The following NOL4L variants were observed in gnomAD, a reference collection of about 807,000 sequenced individuals.
NOL4L encodes nucleolar protein 4-like.
NOL4L carries 7 observed loss-of-function variants against 64.5 expected under a neutral mutation model. The ratio of observed to expected loss-of-function variants is 0.11; its 90% CI spans 0.06 to 0.20. The LOEUF (loss-of-function observed/expected upper bound fraction) is 0.20. Among genes scored for constraint, NOL4L ranks in the 10% least tolerant of loss-of-function variants. The pLI, the probability that NOL4L is intolerant of heterozygous loss-of-function variation, is 1.00. For missense variants in NOL4L, 680 were observed against 967.1 expected (o/e 0.70, Z 3.94); for synonymous variants, 413 against 401.0 (o/e 1.03, Z -0.36).
chr20:32,545,400 T>A (rs887972746), intron 1 of NOL4L, among the ~76,000 whole-genome samples: 1 of 152,182 alleles, frequency 6.6e-6, no homozygotes, highest in Non-Finnish European at 1.5e-5. Flanking sequence ...TTGGGGCCAC[T>A]CACACGTGTG....
At chr20:32,584,237 G>C (rs1980739198) in intron 1 of NOL4L, among the ~76,000 whole-genome samples, 1 of 151,182 alleles carries the variant, frequency 6.6e-6, no homozygotes, top group Admixed American at 6.6e-5. Flanking sequence ...CGGGCGGGGG[G>C]AGGCTCGGGC....
chr20:32,452,198 T>C (rs771554192), intron 10 of NOL4L, 38 bp downstream of exon 10: 71 of 1,487,896 alleles, frequency 4.8e-5, no homozygotes, highest in Non-Finnish European at 6.0e-5. Flanking sequence ...AGCTGGGTGC[T>C]GGTCGGGAAG....
chr20:32,512,901 G>A (rs1038976019), intron 3 of NOL4L, among the ~76,000 whole-genome samples: 5 of 152,260 alleles, frequency 3.3e-5, no homozygotes, highest in South Asian at 2.1e-4. Context: ...ATATTGCTCC[G>A]TATTTCTGAT....
In NOL4L at chr20:32,460,519, C is replaced by A. The variant is rs764888577; in HGVS notation, c.842-4124G>T. Among the ~76,000 whole-genome samples, 37 of 152,346 alleles carry A rather than the reference C, an allele frequency of 2.4e-4. No individual in the cohort carries two copies. The highest frequency in any genetic ancestry group is 5.0e-4 in the Non-Finnish European group (34 of 68,040). ...TGAGCCGCGGAGTGGCTGGAAGAGG[C>A]TACTCCACCTTCTGGAGCCTCCGTT... On this transcript the variant is annotated intron_variant, in intron 5 of 10. Coordinates refer to ENST00000621426, the MANE Select transcript of NOL4L (RefSeq NM_001256798.2). The surrounding 1 kb of genome is among the most constrained non-coding windows in gnomAD (Gnocchi z 5.7).
Position 32,447,429 on chromosome 20 carries a change from A to AT in NOL4L, c.*166_*167insA. On this transcript the variant is annotated 3_prime_UTR_variant, in exon 11 of 11. Coordinates refer to ENST00000621426, the MANE Select transcript of NOL4L (RefSeq NM_001256798.2). ...AAAAAAAAAAAAAAAAAAAAAAAAA[A>AT]GTGTCCTTGTGCCCAAAGTCTCAGG... 3 of 757,712 alleles carry AT rather than the reference A, an allele frequency of 4.0e-6. No homozygotes were observed. Among genetic ancestry groups the AT allele is most frequent in the Non-Finnish European group, 4.0e-6 (2 of 494,144 alleles). The allele number at this position is 757,712 out of a possible 1,614,324, so 46.9% of individuals were successfully genotyped here.
chr20:32,530,061 C>A (rs2145584048), intron 1 of NOL4L, among the ~76,000 whole-genome samples: 1 of 152,304 alleles, frequency 6.6e-6, no homozygotes, highest in East Asian at 1.9e-4. Flanking sequence ...AAATGCCCAG[C>A]ATTACAGGGC....
chr20:32,505,467 G>C (rs1445492203), intron 4 of NOL4L, among the ~76,000 whole-genome samples: 1 of 152,176 alleles, frequency 6.6e-6, no homozygotes, highest in African/African-American at 2.4e-5. Context: ...ACACATGCCT[G>C]TAATCCCAGC....
chr20:32,579,931 G>A, intron 1 of NOL4L, among the ~76,000 whole-genome samples: 1 of 151,992 alleles, frequency 6.6e-6, no homozygotes, highest in Non-Finnish European at 1.5e-5. Context: ...ATCTTCATGA[G>A]CCCTAGGAAA....
At chr20:32,528,760 G>A (rs1230577903) in intron 1 of NOL4L, among the ~76,000 whole-genome samples, 2 of 152,228 alleles carry the variant, frequency 1.3e-5, no homozygotes, top group African/African-American at 4.8e-5. Flanking sequence ...GAACTGCTCC[G>A]TGCAGGCAGT....
chr20:32,487,629 G>A (rs1312590781), intron 4 of NOL4L, among the ~76,000 whole-genome samples: 3 of 152,184 alleles, frequency 2.0e-5, no homozygotes, highest in African/African-American at 7.2e-5. Flanking sequence ...CATCGGGGGG[G>A]CAAACAGGGC....
At chr20:32,480,200 G>A (rs2015630424) in intron 4 of NOL4L, among the ~76,000 whole-genome samples, 1 of 152,168 alleles carries the variant, frequency 6.6e-6, no homozygotes, top group Admixed American at 6.5e-5. Flanking sequence ...CCTGGGGCGT[G>A]CCTCACACGG....
chr20:32,523,483 G>T (rs1484397407), intron 2 of NOL4L, among the ~76,000 whole-genome samples: 1 of 152,194 alleles, frequency 6.6e-6, no homozygotes. Flanking sequence ...ATTTCTGATT[G>T]AGTGCACGAA....
rs796860885 is a variant in NOL4L, at chr20:32,455,487, G to C, written c.1119+631C>G. Among the ~76,000 whole-genome samples the C allele has an allele frequency of 3.9e-5, 6 of 152,332 alleles. No homozygotes were observed. The East Asian group carries it at 1.2e-3, about 29-fold the overall frequency. ...GCCTGTCCAGAGGTGTAAGCTCCAG[G>C]AAGGCACCTCTGGCCCCCGGGCCCA... On this transcript the variant is annotated intron_variant, in intron 6 of 10. Transcript: ENST00000621426.
In NOL4L at chr20:32,447,390, T is replaced by G. The variant is rs1600607913; in HGVS notation, c.*206A>C. 1.7e-6 allele frequency: 1 copy of G among 576,514 alleles called. No homozygotes were observed. The allele number at this position is 576,514 out of a possible 1,614,324, so 35.7% of individuals were successfully genotyped here. On this transcript the variant is annotated 3_prime_UTR_variant, in exon 11 of 11. Coordinates refer to ENST00000621426, the MANE Select transcript of NOL4L (RefSeq NM_001256798.2). ...TCTTCCAAGCAGGTCAGAGCACCCG[T>G]GTGGTGAGATTCCAAAAAAAAAAAA...
chr20:32,482,141 A>C (rs293538), intron 4 of NOL4L, among the ~76,000 whole-genome samples: 1 of 152,084 alleles, frequency 6.6e-6, no homozygotes, highest in Non-Finnish European at 1.5e-5. Flanking sequence ...AGCAGACAGA[A>C]AGGAAAATCA....
At chr20:32,511,507 T>TG in intron 3 of NOL4L, 51 bp from the exon 4 acceptor site, 2 of 1,335,104 alleles carry the variant, frequency 1.5e-6, no homozygotes, top group Non-Finnish European at 2.1e-6. Flanking sequence ...TGCGGGCCTG[T>TG]TGCCCACATG....
At chr20:32,572,196 C>T (rs1425911541) in intron 1 of NOL4L, among the ~76,000 whole-genome samples, 4 of 152,324 alleles carry the variant, frequency 2.6e-5, no homozygotes, top group Admixed American at 2.6e-4. Flanking sequence ...CAGCTTTGTG[C>T]TCTTGGGCAT....
chr20:32,457,460 C>T (rs2013654403), intron 5 of NOL4L, among the ~76,000 whole-genome samples: 1 of 147,008 alleles, frequency 6.8e-6, no homozygotes, highest in Admixed American at 6.7e-5. Flanking sequence ...ACGCCGGACC[C>T]CACCCCCACC....
At chr20:32,468,212 C>A (rs990380164) in intron 5 of NOL4L, among the ~76,000 whole-genome samples, 1 of 152,148 alleles carries the variant, frequency 6.6e-6, no homozygotes, top group Non-Finnish European at 1.5e-5. Flanking sequence ...CTACAGGATG[C>A]CACATATTGG....
Sources: allele counts gnomAD v4.1 joint callset (sites outside exome capture counted in the v4.1 genomes callset), GRCh38; gene constraint gnomAD v4.1.1; non-coding constraint Gnocchi (gnomAD v3.1); transcripts MANE v1.5; gene names NCBI Gene and HGNC (gene_info 2026-07-23, HGNC 2026-07-21).